Variants in SH3GL2 observed in about 807,000 individuals in gnomAD.
SH3GL2 encodes the protein endophilin-A1.
In SH3GL2, 24 loss-of-function variants were observed where a neutral mutation model predicts 46.0. The ratio of observed to expected loss-of-function variants is 0.52; its 90% CI spans 0.38 to 0.73. The LOEUF (loss-of-function observed/expected upper bound fraction) is 0.73. Among genes scored for constraint, SH3GL2 ranks in the 30% least tolerant of loss-of-function variants. The pLI is 0.00. For synonymous variants in SH3GL2, 196 were observed against 147.1 expected, an observed-to-expected ratio of 1.33 and a Z score of -2.40; for missense variants, 413 against 424.2, an observed-to-expected ratio of 0.97 and a Z score of 0.23.
At chr9:17,767,637 C>G (rs1823351957) in intron 3 of SH3GL2, among the ~76,000 whole-genome samples, 1 of 152,128 alleles carries the variant, frequency 6.6e-6, no homozygotes, top group South Asian at 2.1e-4. Context: ...CTCAGTATGT[C>G]TGGTGAATAG....
At position 17,754,651 on chromosome 9, in the gene SH3GL2, C is replaced by T. The variant is rs564793535; in HGVS notation, c.115-6786C>T. Among the ~76,000 whole-genome samples, 26 of 152,176 alleles carry T rather than the reference C, an allele frequency of 1.7e-4. 1 individual carries two copies. Among genetic ancestry groups the T allele is most frequent in the South Asian group, 1.5e-3 (7 of 4,824 alleles). ...TCACGCCACTGTACTCCAGCCTGGG[C>T]GGCAGAGTGAGACTCTGTCTCAAAA... On this transcript the variant is annotated intron_variant, in intron 2 of 8. Coordinates refer to ENST00000380607, the MANE Select transcript of SH3GL2 (RefSeq NM_003026.5).
chr9:17,711,199 T>G (rs1389515106), intron 1 of SH3GL2, among the ~76,000 whole-genome samples: 1 of 151,924 alleles, frequency 6.6e-6, no homozygotes, highest in African/African-American at 2.4e-5. Flanking sequence ...TGAAGTACTT[T>G]TGTTACCACT....
chr9:17,691,806 T>G (rs1455036003), intron 1 of SH3GL2, among the ~76,000 whole-genome samples: 1 of 152,156 alleles, frequency 6.6e-6, no homozygotes, highest in Non-Finnish European at 1.5e-5. Context: ...TGTCAGTATT[T>G]GATTTGGACT....
chr9:17,635,814 ATTTCCTGGT>A (rs1819529315), intron 1 of SH3GL2, among the ~76,000 whole-genome samples: 1 of 152,184 alleles, frequency 6.6e-6, no homozygotes, highest in Non-Finnish European at 1.5e-5. Context: ...CTCTCTGAGG[ATTTCCTGGT>A]TGCTTCCAAC....
chr9:17,763,990 C>A (rs1823250070), intron 3 of SH3GL2, among the ~76,000 whole-genome samples: 1 of 152,028 alleles, frequency 6.6e-6, no homozygotes, highest in Admixed American at 6.6e-5. Context: ...TAAAAAACAT[C>A]AAAGGAGGAG....
intron 1 of SH3GL2, among the ~76,000 whole-genome samples, chr9:17,637,200 T>A (rs1432834890): frequency 6.6e-6 from 1 of 152,208 alleles, no homozygotes; most frequent in Admixed American, 6.5e-5. Flanking sequence ...TATGATGTAT[T>A]TCAGCCCAAA....
intron 1 of SH3GL2, among the ~76,000 whole-genome samples, chr9:17,687,887 C>G (rs546229335): frequency 1.3e-5 from 2 of 151,966 alleles, no homozygotes; most frequent in African/African-American, 4.8e-5. Context: ...GTTACCATGG[C>G]GAGGATTGCT....
chr9:17,615,876 G>T (rs1363371033), intron 1 of SH3GL2, among the ~76,000 whole-genome samples: 1 of 152,018 alleles, frequency 6.6e-6, no homozygotes, highest in African/African-American at 2.4e-5. Flanking sequence ...TGATTAATTT[G>T]CTCTAGCAGC....
chr9:17,779,153 C>T (rs1823728365), intron 3 of SH3GL2, among the ~76,000 whole-genome samples: 1 of 152,112 alleles, frequency 6.6e-6, no homozygotes, highest in Non-Finnish European at 1.5e-5. Flanking sequence ...ATCCCCAAGG[C>T]CCCTTGGACA....
chr9:17,781,524 G>A (rs1823808788), intron 3 of SH3GL2, among the ~76,000 whole-genome samples: 1 of 151,988 alleles, frequency 6.6e-6, no homozygotes. Flanking sequence ...TGTTGCCATT[G>A]CTTTGTACAT....
chr9:17,785,846 A>T (rs1315040857), intron 3 of SH3GL2, among the ~76,000 whole-genome samples: 1 of 152,200 alleles, frequency 6.6e-6, no homozygotes. Flanking sequence ...TACCATCAGA[A>T]TCTTAGTTGA....
chr9:17,586,894 A>G (rs1818387117), intron 1 of SH3GL2, among the ~76,000 whole-genome samples: 1 of 152,200 alleles, frequency 6.6e-6, no homozygotes, highest in South Asian at 2.1e-4. Flanking sequence ...CATAAAGCAG[A>G]TAGCCTATGC....
intron 1 of SH3GL2, among the ~76,000 whole-genome samples, chr9:17,644,329 C>T (rs1819755563): frequency 6.6e-6 from 1 of 151,672 alleles, no homozygotes. Flanking sequence ...TTATCTTCTT[C>T]AGTTCTGCTC....
intron 1 of SH3GL2, among the ~76,000 whole-genome samples, chr9:17,652,257 T>C (rs1288017250): frequency 6.6e-6 from 1 of 152,250 alleles, no homozygotes; most frequent in East Asian, 1.9e-4. Context: ...GTTCTTCCCT[T>C]CTCATTATAC....
chr9:17,684,011 C>T (rs1453843017), intron 1 of SH3GL2, among the ~76,000 whole-genome samples: 1 of 152,076 alleles, frequency 6.6e-6, no homozygotes, highest in African/African-American at 2.4e-5. Flanking sequence ...CTCTATAGTT[C>T]TGCACAAGAT....
At chr9:17,584,972 C>A (rs1204302072) in intron 1 of SH3GL2, among the ~76,000 whole-genome samples, 1 of 152,090 alleles carries the variant, frequency 6.6e-6, no homozygotes, top group Admixed American at 6.5e-5. Flanking sequence ...TTTAAAGTAA[C>A]CTGCAAATTA....
rs529399112 is a variant in SH3GL2, at chr9:17,619,108, C to T, written c.45+39821C>T. Among the ~76,000 whole-genome samples, 187 of 152,216 alleles carry T rather than the reference C, an allele frequency of 1.2e-3. 2 individuals carry two copies. Among genetic ancestry groups the T allele is most frequent in the Non-Finnish European group, 2.2e-3 (151 of 68,020 alleles). On this transcript the variant is annotated intron_variant, in intron 1 of 8. Coordinates refer to ENST00000380607, the MANE Select transcript of SH3GL2 (RefSeq NM_003026.5). Reference sequence around the variant, plus strand: ...ATGTGCAGTAACTAATTTAATCTTACGAATCCCATTATACCTACTTTACAA... The same window carrying T: ...ATGTGCAGTAACTAATTTAATCTTATGAATCCCATTATACCTACTTTACAA...
intron 3 of SH3GL2, among the ~76,000 whole-genome samples, chr9:17,780,585 G>A (rs1397273800): frequency 1.5e-5 from 2 of 129,550 alleles, no homozygotes; most frequent in Admixed American, 7.9e-5. Flanking sequence ...ACCCACTAAC[G>A]TGTCATCTAG....
At chr9:17,631,890 C>G (rs1354345153) in intron 1 of SH3GL2, among the ~76,000 whole-genome samples, 1 of 152,110 alleles carries the variant, frequency 6.6e-6, no homozygotes, top group Non-Finnish European at 1.5e-5. Context: ...TGAAATCGAC[C>G]TAAAAAATGT....
Sources: allele counts gnomAD v4.1 joint callset (sites outside exome capture counted in the v4.1 genomes callset), GRCh38; gene constraint gnomAD v4.1.1; transcripts MANE v1.5; gene names NCBI Gene and HGNC (gene_info 2026-07-23, HGNC 2026-07-21).